HNF4G: variants seen among roughly 807,000 people sequenced by gnomAD.
The protein encoded by HNF4G is hepatocyte nuclear factor 4 gamma.
In HNF4G, 21 loss-of-function variants were observed where a neutral mutation model predicts 50.9. The ratio of observed to expected loss-of-function variants is 0.41; its 90% CI spans 0.29 to 0.59. HNF4G has a LOEUF of 0.59. Among genes scored for constraint, HNF4G ranks in the 20% least tolerant of loss-of-function variants. HNF4G has a pLI of 0.26. For synonymous variants in HNF4G, 198 were observed against 185.6 expected (o/e 1.07, Z -0.54); for missense variants, 527 against 559.4 (o/e 0.94, Z 0.58).
intron 1 of HNF4G, among the ~76,000 whole-genome samples, chr8:75,428,312 T>G (rs1316222304): frequency 6.6e-6 from 1 of 152,158 alleles, no homozygotes; most frequent in Non-Finnish European, 1.5e-5. Flanking sequence ...TTGTTAGCCT[T>G]TTACCCTCAC....
chr8:75,549,970 T>C (rs1208473014), intron 3 of HNF4G, among the ~76,000 whole-genome samples: 2 of 152,198 alleles, frequency 1.3e-5, no homozygotes, highest in Non-Finnish European at 2.9e-5. Flanking sequence ...TAGTATTCCA[T>C]GGTGTATATG....
In HNF4G at chr8:75,558,873, A is replaced by G; in HGVS notation, c.959A>G (p.Tyr320Cys). 1.2e-6 allele frequency: 2 copies of G among 1,614,090 alleles called. No individual in the cohort carries two copies. The highest frequency in any genetic ancestry group is 2.2e-5 in the East Asian group (1 of 44,862). ...CAAGTGCAGATCGGTTTGGAGGACT[A>G]CATCAATGATCGGCAGTATGACTCC... is the stretch of plus-strand genomic sequence containing the variant. ...RFQVQIGLEDYINDRQYDSRG... is the reference protein window; with the variant it reads ...RFQVQIGLEDCINDRQYDSRG... The change falls in exon 8 of 10, where the codon TAC becomes TGC. Residue 320 changes from tyrosine to cysteine, a missense_variant. Physicochemically the swap from Tyr to Cys is radical, Grantham distance 194 (BLOSUM62 -2). Coordinates refer to ENST00000396423, the MANE Select transcript of HNF4G (RefSeq NM_004133.5).
At chr8:75,447,068 T>G (rs1039927151) in intron 1 of HNF4G, among the ~76,000 whole-genome samples, 1 of 138,516 alleles carries the variant, frequency 7.2e-6, no homozygotes, top group African/African-American at 2.8e-5. Flanking sequence ...AGCATGGTAC[T>G]GGTACCAAAA....
At chr8:75,503,737 G>A (rs1416525130) in intron 2 of HNF4G, among the ~76,000 whole-genome samples, 1 of 152,166 alleles carries the variant, frequency 6.6e-6, no homozygotes, top group African/African-American at 2.4e-5. Flanking sequence ...TAGGAGTGGA[G>A]AACTTACAGA....
intron 1 of HNF4G, among the ~76,000 whole-genome samples, chr8:75,541,110 T>C (rs192793189): frequency 1.8e-3 from 276 of 152,226 alleles, no homozygotes; most frequent in African/African-American, 6.3e-3. Flanking sequence ...TCCTTATGTT[T>C]AGACTTGACT....
intron 1 of HNF4G, among the ~76,000 whole-genome samples, chr8:75,475,348 A>G (rs1812218361): frequency 6.6e-6 from 1 of 152,194 alleles, no homozygotes; most frequent in Non-Finnish European, 1.5e-5. Context: ...TAAGTTATTT[A>G]TTTTTAAAAG....
chr8:75,515,366 A>G (rs1204987142), intron 2 of HNF4G, among the ~76,000 whole-genome samples: 1 of 152,160 alleles, frequency 6.6e-6, no homozygotes, highest in African/African-American at 2.4e-5. Flanking sequence ...TGAATTAGGC[A>G]CGATTCTCCA....
At chr8:75,411,203 T>C (rs556278397) in intron 1 of HNF4G, among the ~76,000 whole-genome samples, 1 of 151,968 alleles carries the variant, frequency 6.6e-6, no homozygotes, top group Non-Finnish European at 1.5e-5. Context: ...CATGTCCTCA[T>C]TGAGTTGCTT....
At chr8:75,552,561 C>T (rs146352909) in intron 4 of HNF4G, among the ~76,000 whole-genome samples, 77 of 152,058 alleles carry the variant, frequency 5.1e-4, no homozygotes, top group African/African-American at 1.4e-3. Flanking sequence ...TTTAATGCAG[C>T]GAGACAAATA....
At chr8:75,515,955 G>C (rs770130364) in intron 2 of HNF4G, among the ~76,000 whole-genome samples, 1 of 152,162 alleles carries the variant, frequency 6.6e-6, no homozygotes, top group Non-Finnish European at 1.5e-5. Flanking sequence ...AGTAGAGACA[G>C]GGTTTCTCAT....
chr8:75,556,724 A>G (rs1807139835), intron 6 of HNF4G, among the ~76,000 whole-genome samples: 1 of 152,060 alleles, frequency 6.6e-6, no homozygotes, highest in Admixed American at 6.5e-5. Context: ...TACTAGCTCT[A>G]CCTCTCTCTG....
At chr8:75,424,440 G>A (rs956107242) in intron 1 of HNF4G, among the ~76,000 whole-genome samples, 11 of 151,902 alleles carry the variant, frequency 7.2e-5, no homozygotes, top group African/African-American at 1.2e-4. Flanking sequence ...TGTTACAAGG[G>A]TATATTGGAT....
intron 1 of HNF4G, among the ~76,000 whole-genome samples, chr8:75,430,283 T>C (rs1237143200): frequency 6.6e-6 from 1 of 152,186 alleles, no homozygotes; most frequent in African/African-American, 2.4e-5. Flanking sequence ...AGACATTTTC[T>C]CTGAAGATGT....
intron 8 of HNF4G, among the ~76,000 whole-genome samples, chr8:75,559,858 T>C (rs1260496572): frequency 6.6e-6 from 1 of 152,232 alleles, no homozygotes; most frequent in Non-Finnish European, 1.5e-5. Flanking sequence ...TATTTCATTG[T>C]TGCAATACAT....
At chr8:75,502,236 G>T (rs565790399) in intron 2 of HNF4G, among the ~76,000 whole-genome samples, 1 of 152,140 alleles carries the variant, frequency 6.6e-6, no homozygotes, top group African/African-American at 2.4e-5. Context: ...TAAAAACAAA[G>T]TTTTAAACAT....
At chr8:75,415,981 T>C (rs1033064730) in intron 1 of HNF4G, among the ~76,000 whole-genome samples, 3 of 152,188 alleles carry the variant, frequency 2.0e-5, no homozygotes, top group Admixed American at 1.3e-4. Context: ...TCACAGTTAT[T>C]ATAGAATGGT....
intron 2 of HNF4G, among the ~76,000 whole-genome samples, chr8:75,530,687 A>G (rs375475827): frequency 1.2e-4 from 18 of 152,232 alleles, no homozygotes; most frequent in African/African-American, 3.6e-4. Context: ...AGTGGTCCAG[A>G]AGGTGCACTA....
chr8:75,409,158 GC>G (rs1257663034), intron 1 of HNF4G, among the ~76,000 whole-genome samples: 4 of 152,150 alleles, frequency 2.6e-5, no homozygotes, highest in African/African-American at 9.7e-5. Context: ...TGAAGGTGTG[GC>G]AAGGAGAGGG....
intron 1 of HNF4G, among the ~76,000 whole-genome samples, chr8:75,542,681 A>G (rs1254979328): frequency 6.6e-6 from 1 of 152,078 alleles, no homozygotes; most frequent in Non-Finnish European, 1.5e-5. Flanking sequence ...ATGCCTAGAC[A>G]TTATTCTGTA....
Sources: gnomAD v4.1 joint callset for allele counts (sites outside exome capture counted in the v4.1 genomes callset) on GRCh38, gnomAD v4.1.1 for gene constraint, MANE v1.5 for transcripts, NCBI Gene and HGNC (gene_info 2026-07-23, HGNC 2026-07-21) for gene names.